Variants in TMTC1 observed in about 807,000 individuals in gnomAD.
TMTC1 encodes protein O-mannosyl-transferase TMTC1.
In TMTC1, 73 loss-of-function variants were observed where a neutral mutation model predicts 104.8. The observed-to-expected ratio is 0.70, with a 90% CI of 0.58 to 0.85. The LOEUF (loss-of-function observed/expected upper bound fraction) is 0.85. TMTC1 is among the 40% of genes least tolerant of loss of function. TMTC1 has a pLI of 0.00. For missense variants in TMTC1, 1,035 were observed against 1,096.1 expected, an observed-to-expected ratio of 0.94 and a Z score of 0.79; for synonymous variants, 434 against 428.7, an observed-to-expected ratio of 1.01 and a Z score of -0.15.
At chr12:29,672,497 C>A (rs1410301732) in intron 5 of TMTC1, among the ~76,000 whole-genome samples, 1 of 152,164 alleles carries the variant, frequency 6.6e-6, no homozygotes, top group East Asian at 1.9e-4. Flanking sequence ...TTCTATCCCA[C>A]CTTTATACTG....
chr12:29,613,579 G>A (rs1423329428), intron 6 of TMTC1, among the ~76,000 whole-genome samples: 4 of 152,116 alleles, frequency 2.6e-5, no homozygotes, highest in Non-Finnish European at 2.9e-5. Flanking sequence ...AGATAGGAGC[G>A]CTTAATCATT....
intron 1 of TMTC1, among the ~76,000 whole-genome samples, chr12:29,776,549 C>T (rs569391549): frequency 1.3e-5 from 2 of 152,298 alleles, no homozygotes; most frequent in Admixed American, 1.3e-4. Context: ...TTTATTCATT[C>T]TTTAAAAAAT....
chr12:29,687,644 C>T (rs1394218888), intron 5 of TMTC1, among the ~76,000 whole-genome samples: 1 of 152,168 alleles, frequency 6.6e-6, no homozygotes, highest in Non-Finnish European at 1.5e-5. Flanking sequence ...TCCTTGTGTA[C>T]TAATTAGCTA....
At chr12:29,546,165 A>C (rs1944937069) in intron 10 of TMTC1, among the ~76,000 whole-genome samples, 1 of 152,190 alleles carries the variant, frequency 6.6e-6, no homozygotes, top group East Asian at 1.9e-4. Flanking sequence ...CGTGATTCTC[A>C]GTCTGTAATG....
At chr12:29,596,750 A>T (rs1034325831) in intron 7 of TMTC1, among the ~76,000 whole-genome samples, 1 of 152,250 alleles carries the variant, frequency 6.6e-6, no homozygotes, top group African/African-American at 2.4e-5. Context: ...TTGTACTATG[A>T]GAATTTCAAA....
chr12:29,606,056 G>A (rs1010616166), intron 6 of TMTC1, among the ~76,000 whole-genome samples: 12 of 152,144 alleles, frequency 7.9e-5, no homozygotes, highest in Non-Finnish European at 1.6e-4. Context: ...TCTTTCTTAT[G>A]GCTGCTTAGT....
intron 10 of TMTC1, among the ~76,000 whole-genome samples, chr12:29,543,148 C>T (rs533573644): frequency 1.3e-5 from 2 of 152,172 alleles, no homozygotes; most frequent in South Asian, 2.1e-4. Flanking sequence ...CCATTAAACA[C>T]TTGTAGTTTC....
In TMTC1 at chr12:29,633,174, C is replaced by T. The variant is rs765249260; in HGVS notation, c.1101G>A (p.Leu367=). 3 of 1,613,828 alleles carry T rather than the reference C, an allele frequency of 1.9e-6. No individual in the cohort carries two copies. The highest frequency in any genetic ancestry group is 1.7e-6 in the Non-Finnish European group (2 of 1,179,934). Residue 367 remains leucine (L), a synonymous_variant, in exon 6 of 18, where the codon TTG becomes TTA. Transcript: ENST00000539277. ...TAAAGGCTGCTAAGCAGTGCAGGCT[C>T]AATAAGGCCATCACAACCGCCAGAA... ...TIFLAVVMAL[L]SLHCLAAFKR...
upstream of TMTC1, chr12:29,784,653 G>A (rs1310847848): frequency 2.0e-5 from 3 of 152,342 alleles, no homozygotes; most frequent in East Asian, 1.9e-4. Flanking sequence ...TACCAGGTTC[G>A]AGTTTTGGTT....
At chr12:29,536,515 G>A (rs1944648322) in intron 10 of TMTC1, among the ~76,000 whole-genome samples, 198 bp from the exon 11 acceptor site, 1 of 152,246 alleles carries the variant, frequency 6.6e-6, no homozygotes, top group African/African-American at 2.4e-5. Context: ...CATGGAAAGA[G>A]ATGTAAAGAT....
rs926543635 is a variant in TMTC1 at position 29,505,004 on chromosome 12, C to T, written c.*1842G>A. The T allele has an allele frequency of 3.9e-5, 6 of 152,056 alleles. No homozygotes were observed. The highest frequency in any genetic ancestry group is 3.8e-4 in the East Asian group (2 of 5,196). The allele number at this position is 152,056 out of a possible 1,614,324, so 9.4% of individuals were successfully genotyped here. A position where few individuals can be genotyped will look rare whatever the true frequency, so the allele number is the denominator to read the frequency against. ...TTGTGGATACATTTATGTTATATAACATGAAAAAACTATTAGAAACAAATG... is the reference window on the plus strand; with the variant it reads ...TTGTGGATACATTTATGTTATATAATATGAAAAAACTATTAGAAACAAATG... On this transcript the variant is annotated 3_prime_UTR_variant, in exon 18 of 18. Transcript: ENST00000539277.
At chr12:29,523,543 A>C (rs913054377) in intron 11 of TMTC1, among the ~76,000 whole-genome samples, 3 of 152,206 alleles carry the variant, frequency 2.0e-5, no homozygotes, top group African/African-American at 4.8e-5. Flanking sequence ...TAAAATATGT[A>C]AGGAGGCAGT....
intron 5 of TMTC1, among the ~76,000 whole-genome samples, chr12:29,675,746 G>C (rs569871803): frequency 6.6e-6 from 1 of 152,168 alleles, no homozygotes; most frequent in East Asian, 1.9e-4. Context: ...ATGAGAACTA[G>C]AATTTTCTCA....
In TMTC1 at chr12:29,696,093, A is replaced by T. The variant is rs187761272; in HGVS notation, c.938+55573T>A. ...TTAAATACATCTTGGACAAGAACAA[A>T]GTATTTTAATTAACTGTGAAACAAT... is the stretch of plus-strand genomic sequence containing the variant. On this transcript the variant is annotated intron_variant, in intron 5 of 17. Coordinates refer to ENST00000539277, the MANE Select transcript of TMTC1 (RefSeq NM_001193451.2). 1.2e-3 allele frequency among the ~76,000 whole-genome samples: 181 copies of T among 152,220 alleles called. 2 individuals carry two copies. Among genetic ancestry groups the T allele is most frequent in the African/African-American group, 4.2e-3 (173 of 41,554 alleles).
intron 8 of TMTC1, among the ~76,000 whole-genome samples, chr12:29,574,417 TTC>T (rs1276369227): frequency 6.6e-6 from 1 of 152,188 alleles, no homozygotes; most frequent in Non-Finnish European, 1.5e-5. Context: ...AATGAGGCTT[TTC>T]TCAGAGACAT....
intron 5 of TMTC1, among the ~76,000 whole-genome samples, chr12:29,748,200 G>T (rs2136962352): frequency 6.6e-6 from 1 of 152,232 alleles, no homozygotes; most frequent in Middle Eastern, 3.4e-3. Flanking sequence ...GCTATCTGCT[G>T]CTCTCCAATC....
intron 6 of TMTC1, among the ~76,000 whole-genome samples, chr12:29,607,685 G>A (rs55807951): frequency 0.2 from 30,309 of 152,014 alleles, 4,491 homozygotes; most frequent in African/African-American, 0.41. Flanking sequence ...GAGTGTTCAG[G>A]GTCCACATCC....
At chr12:29,595,651 T>C (rs1946385701) in intron 7 of TMTC1, among the ~76,000 whole-genome samples, 1 of 152,238 alleles carries the variant, frequency 6.6e-6, no homozygotes, top group African/African-American at 2.4e-5. Flanking sequence ...AAGGGCTGGA[T>C]GGAGCAGTTC....
At chr12:29,522,580 G>A (rs75647361) in intron 11 of TMTC1, among the ~76,000 whole-genome samples, 2 of 149,490 alleles carry the variant, frequency 1.3e-5, no homozygotes, top group African/African-American at 4.9e-5. Context: ...GTGTGTGTGT[G>A]TGTGTGTAAT....
Sources: allele counts gnomAD v4.1 joint callset (sites outside exome capture counted in the v4.1 genomes callset), GRCh38; gene constraint gnomAD v4.1.1; transcripts MANE v1.5; gene names NCBI Gene and HGNC (gene_info 2026-07-23, HGNC 2026-07-21).